KCNC2: variants seen among roughly 807,000 people sequenced by gnomAD.
The protein encoded by KCNC2 is potassium voltage-gated channel subfamily C member 2.
KCNC2 carries 21 observed loss-of-function variants against 44.5 expected under a neutral mutation model. That is an observed-to-expected ratio of 0.47 (90% CI 0.33 to 0.68). The LOEUF (loss-of-function observed/expected upper bound fraction) is 0.68. KCNC2 is among the 30% of genes least tolerant of loss of function. KCNC2 has a pLI of 0.01. For synonymous variants in KCNC2, 391 were observed against 339.1 expected (o/e 1.15, Z -1.68); for missense variants, 589 against 826.2 (o/e 0.71, Z 3.52).
chr12:75,070,931 A>G (rs1883336234), intron 2 of KCNC2, among the ~76,000 whole-genome samples: 1 of 152,166 alleles, frequency 6.6e-6, no homozygotes, highest in Admixed American at 6.5e-5. Context: ...AATAGTCCAT[A>G]TTCTTAATGG....
intron 2 of KCNC2, among the ~76,000 whole-genome samples, chr12:75,180,115 A>G (rs1201484818): frequency 6.6e-6 from 1 of 151,966 alleles, no homozygotes; most frequent in Non-Finnish European, 1.5e-5. Flanking sequence ...AGACATTTCA[A>G]AGTGTTAAAT....
At chr12:75,053,381 A>T (rs1565812794) in intron 2 of KCNC2, among the ~76,000 whole-genome samples, 1 of 150,692 alleles carries the variant, frequency 6.6e-6, no homozygotes, top group East Asian at 1.9e-4. Flanking sequence ...TAGTAATGGG[A>T]TGTGTGTGTG....
At chr12:75,191,215 G>A (rs905713444) in intron 2 of KCNC2, among the ~76,000 whole-genome samples, 1 of 151,534 alleles carries the variant, frequency 6.6e-6, no homozygotes, top group African/African-American at 2.4e-5. Flanking sequence ...AAATGAAAAG[G>A]TACTATGTTC....
At chr12:75,092,857 G>GA (rs1885601810) in intron 2 of KCNC2, among the ~76,000 whole-genome samples, 1 of 151,514 alleles carries the variant, frequency 6.6e-6, no homozygotes. Flanking sequence ...TAGCTTTGCT[G>GA]AAAATTAAGC....
Position 75,042,210 on chromosome 12 carries a change from T to A in KCNC2, c.*895A>T. ...AAATGATGACAAACCCTGGGTATTT[T>A]TTTTTTTTAAAGAGTCTAGAACCAA... is the stretch of plus-strand genomic sequence containing the variant. On this transcript the variant is annotated 3_prime_UTR_variant, in exon 5 of 5. Transcript: ENST00000549446. The A allele has an allele frequency of 7.2e-7, 1 of 1,384,102 alleles. No individual in the cohort carries two copies. Among genetic ancestry groups the A allele is most frequent in the Non-Finnish European group, 9.4e-7 (1 of 1,060,004 alleles). The allele number at this position is 1,384,102 out of a possible 1,614,324, so 85.7% of individuals were successfully genotyped here. A position where few individuals can be genotyped will look rare whatever the true frequency, so the allele number is the denominator to read the frequency against.
intron 2 of KCNC2, among the ~76,000 whole-genome samples, chr12:75,166,666 G>A (rs960800199): frequency 8.6e-5 from 13 of 151,254 alleles, no homozygotes; most frequent in African/African-American, 2.9e-4. Flanking sequence ...CAAATTGGAA[G>A]AGTTCACAAA....
rs544781997 is a variant in KCNC2, at chr12:75,168,487, G to A, written c.687+38810C>T. Among the ~76,000 whole-genome samples the A allele has an allele frequency of 5.3e-5, 8 of 151,408 alleles. No individual in the cohort carries two copies. The East Asian group carries it at 9.8e-4, about 18-fold the overall frequency. On this transcript the variant is annotated intron_variant, in intron 2 of 4. Transcript: ENST00000549446. The stretch of plus-strand genomic sequence containing the variant: ...TCTAGACTGAGCTCCCAACTACAAA[G>A]CTATAATTATCAATTGCATAGTTTC...
chr12:75,195,007 T>G (rs1479457269), intron 2 of KCNC2, among the ~76,000 whole-genome samples: 1 of 152,176 alleles, frequency 6.6e-6, no homozygotes, highest in African/African-American at 2.4e-5. Flanking sequence ...GTAAAGCAAT[T>G]TTCCAAAGAG....
intron 2 of KCNC2, among the ~76,000 whole-genome samples, chr12:75,070,870 T>G (rs1355335321): frequency 6.6e-6 from 1 of 152,132 alleles, no homozygotes; most frequent in African/African-American, 2.4e-5. Flanking sequence ...ACATAGGACA[T>G]ATACATGTAG....
At chr12:75,092,119 G>T (rs1294239993) in intron 2 of KCNC2, among the ~76,000 whole-genome samples, 1 of 151,464 alleles carries the variant, frequency 6.6e-6, no homozygotes, top group African/African-American at 2.4e-5. Context: ...TCTGACTTTT[G>T]GTTGTGAAAC....
chr12:75,135,281 T>A (rs557028552), intron 2 of KCNC2, among the ~76,000 whole-genome samples: 1 of 151,856 alleles, frequency 6.6e-6, no homozygotes, highest in African/African-American at 2.4e-5. Flanking sequence ...ACTGAATCCC[T>A]GACCATCACA....
At chr12:75,168,350 A>G (rs993644278) in intron 2 of KCNC2, among the ~76,000 whole-genome samples, 4 of 151,384 alleles carry the variant, frequency 2.6e-5, no homozygotes, top group Non-Finnish European at 4.4e-5. Context: ...TTTACTAAAC[A>G]TCTATCCCAG....
At chr12:75,100,163 T>C (rs1221532393) in intron 2 of KCNC2, among the ~76,000 whole-genome samples, 1 of 152,108 alleles carries the variant, frequency 6.6e-6, no homozygotes, top group African/African-American at 2.4e-5. Flanking sequence ...ATACATTAAA[T>C]AGTAGGCGAG....
chr12:75,109,706 C>A (rs1887072361), intron 2 of KCNC2, among the ~76,000 whole-genome samples: 1 of 151,958 alleles, frequency 6.6e-6, no homozygotes, highest in Admixed American at 6.6e-5. Flanking sequence ...ATACAGGACC[C>A]TAAAACCCTG....
intron 2 of KCNC2, among the ~76,000 whole-genome samples, chr12:75,074,232 A>ATTTTTTT (rs5799196): frequency 1.1e-5 from 1 of 94,838 alleles, no homozygotes; most frequent in Non-Finnish European, 2.1e-5. Context: ...CTACTCATAG[A>ATTTTTTT]TTTTTTTTTT....
At chr12:75,161,969 C>A (rs1428863637) in intron 2 of KCNC2, among the ~76,000 whole-genome samples, 1 of 151,732 alleles carries the variant, frequency 6.6e-6, no homozygotes, top group African/African-American at 2.4e-5. Context: ...GAATTCTGTG[C>A]TTATATTCCC....
intron 2 of KCNC2, among the ~76,000 whole-genome samples, chr12:75,197,121 G>A (rs1344845617): frequency 1.3e-5 from 2 of 151,990 alleles, no homozygotes; most frequent in African/African-American, 4.8e-5. Context: ...CATCTTAGGT[G>A]ATTCATAGGC....
In KCNC2 at chr12:75,042,448, T is replaced by C; in HGVS notation, c.*657A>G. On this transcript the variant is annotated 3_prime_UTR_variant, in exon 5 of 5. Transcript: ENST00000549446. ...GAAGAAAAGTAAATCAATCAAGAAA[T>C]TAAACTATTTAAAACATATATTTCT... 1.9e-6 allele frequency: 3 copies of C among 1,556,576 alleles called. No homozygotes were observed. Among genetic ancestry groups the C allele is most frequent in the Non-Finnish European group, 2.6e-6 (3 of 1,150,238 alleles).
intron 2 of KCNC2, among the ~76,000 whole-genome samples, chr12:75,201,399 A>G (rs1252395247): frequency 2.0e-5 from 3 of 151,342 alleles, no homozygotes; most frequent in Non-Finnish European, 4.4e-5. Flanking sequence ...ATCTTTAGCA[A>G]TAATTATCCT....
Sources: allele counts gnomAD v4.1 joint callset (sites outside exome capture counted in the v4.1 genomes callset), GRCh38; gene constraint gnomAD v4.1.1; transcripts MANE v1.5; gene names NCBI Gene and HGNC (gene_info 2026-07-23, HGNC 2026-07-21).